ZMYM5: variants seen among roughly 807,000 people sequenced by gnomAD.
ZMYM5 encodes zinc finger MYM-type containing 5.
ZMYM5 carries 41 observed loss-of-function variants against 61.8 expected under a neutral mutation model. The observed-to-expected ratio is 0.66, with a 90% CI of 0.52 to 0.86. The LOEUF is 0.86. Among genes scored for constraint, ZMYM5 ranks in the 40% least tolerant of loss-of-function variants. The pLI is 0.00. For missense variants in ZMYM5, 706 were observed against 786.7 expected (o/e 0.90, Z 1.23); for synonymous variants, 257 against 276.4 (o/e 0.93, Z 0.70).
At chr13:19,845,822 G>A (rs2138578484) in intron 4 of ZMYM5, among the ~76,000 whole-genome samples, 1 of 152,298 alleles carries the variant, frequency 6.6e-6, no homozygotes, top group South Asian at 2.1e-4. Flanking sequence ...GCACACTGAT[G>A]TGTTCACCAA....
Position 19,837,807 on chromosome 13 carries a change from T to C in ZMYM5, c.887A>G (p.Lys296Arg), listed in dbSNP as rs1952722567. The change falls in exon 6 of 8, where the codon AAG (lysine) becomes AGG (arginine). Residue 296 changes from lysine to arginine, a missense_variant. Coordinates refer to ENST00000337963, the MANE Select transcript of ZMYM5 (RefSeq NM_001142684.2). ...SIICKKDAST[K>R]KANVILPVES... ...TACTGGAAGAATGACATTAGCCTTCTTTGTAGATGCATCTCTGAAACAGAA... is the reference window on the plus strand; with the variant it reads ...TACTGGAAGAATGACATTAGCCTTCCTTGTAGATGCATCTCTGAAACAGAA... 6.3e-7 allele frequency: 1 copy of C among 1,589,400 alleles called. No homozygotes were observed. The highest frequency in any genetic ancestry group is 1.4e-5 in the African/African-American group (1 of 73,346).
chr13:19,862,694 T>A lies in ZMYM5; in HGVS notation c.-78-228A>T, dbSNP rs1272154665. On this transcript the variant is annotated intron_variant, in intron 1 of 7. Transcript: ENST00000337963. ...TCCAACTGCAGTACTGGGGATGCAG[T>A]GGGCTCGGGGATCCGAGGCCTGCTC... Among the ~76,000 whole-genome samples, 4 of 152,064 alleles carry A rather than the reference T, an allele frequency of 2.6e-5. No homozygotes were observed. The South Asian group carries it at 6.2e-4, about 24-fold the overall frequency.
intron 2 of ZMYM5, among the ~76,000 whole-genome samples, chr13:19,854,584 T>G (rs931438375): frequency 5.6e-5 from 8 of 142,726 alleles, no homozygotes; most frequent in African/African-American, 2.1e-4. Context: ...GCTGAGATTG[T>G]GCCACTGCAC....
chr13:19,848,828 C>A (rs189265347), intron 4 of ZMYM5, among the ~76,000 whole-genome samples: 1 of 152,002 alleles, frequency 6.6e-6, no homozygotes, highest in Admixed American at 6.6e-5. Flanking sequence ...AGCCACCATG[C>A]CCAGCCCCAC....
chr13:19,840,069 A>G (rs1952814338), intron 4 of ZMYM5, among the ~76,000 whole-genome samples: 1 of 152,214 alleles, frequency 6.6e-6, no homozygotes, highest in African/African-American at 2.4e-5. Context: ...TGCATTTCTA[A>G]CCAACTCTCA....
At chr13:19,828,482 C>T (rs190908252) in intron 7 of ZMYM5, among the ~76,000 whole-genome samples, 66 of 152,038 alleles carry the variant, frequency 4.3e-4, no homozygotes, top group African/African-American at 1.5e-3. Flanking sequence ...TCCAATCAAT[C>T]AATCAATGCA....
At chr13:19,857,578 A>G (rs1474799227) in intron 2 of ZMYM5, among the ~76,000 whole-genome samples, 1 of 152,184 alleles carries the variant, frequency 6.6e-6, no homozygotes, top group Non-Finnish European at 1.5e-5. Flanking sequence ...TTACTGCAGG[A>G]ACTAGGTACA....
chr13:19,837,577 G>A (rs1174079192), intron 6 of ZMYM5, 79 bp downstream of exon 6: 1 of 1,607,954 alleles, frequency 6.2e-7, no homozygotes. Flanking sequence ...TTATGTAGAT[G>A]AAAGAGTACA....
At chr13:19,834,106 A>T (rs1387369255) in intron 7 of ZMYM5, among the ~76,000 whole-genome samples, 1 of 152,216 alleles carries the variant, frequency 6.6e-6, no homozygotes, top group African/African-American at 2.4e-5. Flanking sequence ...CCTCCAGAGT[A>T]GCTGGGATTA....
chr13:19,840,870 G>T (rs944665507), intron 4 of ZMYM5, among the ~76,000 whole-genome samples: 3 of 151,840 alleles, frequency 2.0e-5, no homozygotes, highest in Admixed American at 2.0e-4. Context: ...GTAGAGACGG[G>T]GTTTCACCGT....
At position 19,837,491 on chromosome 13, in the gene ZMYM5, A is replaced by C. The variant is rs1374642543; in HGVS notation, c.1038+165T>G. 5.7e-6 allele frequency: 9 copies of C among 1,582,874 alleles called. No individual in the cohort carries two copies. The African/African-American group carries it at 1.2e-4, about 22-fold the overall frequency. Reference sequence around the variant, plus strand: ...CTATGCAAATGGAATTTTATTTATAAAATATCCCATAAGATAGTTCTAACA... The same window carrying C: ...CTATGCAAATGGAATTTTATTTATACAATATCCCATAAGATAGTTCTAACA... On this transcript the variant is annotated intron_variant, in intron 6 of 7. Coordinates refer to ENST00000337963, the MANE Select transcript of ZMYM5 (RefSeq NM_001142684.2).
chr13:19,851,753 A>C lies in ZMYM5; in HGVS notation c.428T>G (p.Leu143Arg). The change falls in exon 3 of 8, where the codon CTT (leucine) becomes CGT (arginine). Residue 143 changes from leucine (L) to arginine (R), a missense_variant. Physicochemically the swap from Leu to Arg is moderately radical, Grantham distance 102 (BLOSUM62 -2). Around this residue, in one of 2 missense-constraint regions of ZMYM5, gnomAD observed 480 missense variants for 461.7 expected, o/e 1.04. Coordinates refer to ENST00000337963, the MANE Select transcript of ZMYM5 (RefSeq NM_001142684.2). Reference protein sequence around the residue: ...KKSSCFIEWGLPGTKNKTNDL... With the variant: ...KKSSCFIEWGRPGTKNKTNDL... ...GTTGGTTTTGTTTTTAGTTCCAGGA[A>C]GTCCCCATTCGATAAAACAGGAAGA... 6.3e-7 allele frequency: 1 copy of C among 1,594,992 alleles called. No homozygotes were observed. The highest frequency in any genetic ancestry group is 1.2e-5 in the South Asian group (1 of 86,586).
At chr13:19,848,554 A>G (rs377203394) in intron 4 of ZMYM5, among the ~76,000 whole-genome samples, 2 of 149,484 alleles carry the variant, frequency 1.3e-5, no homozygotes, top group East Asian at 4.0e-4. Flanking sequence ...TTTTTTTTTG[A>G]GACAAGTCTC....
At chr13:19,849,750 C>T (rs1180371849) in intron 4 of ZMYM5, among the ~76,000 whole-genome samples, 4 of 152,018 alleles carry the variant, frequency 2.6e-5, no homozygotes, top group South Asian at 2.1e-4. Flanking sequence ...GAGGCTGAGG[C>T]GGGTGAATCA....
rs1362018804 is a variant in ZMYM5 at position 19,855,857 on chromosome 13, C to CA, written c.-10-3668dup. The stretch of plus-strand genomic sequence containing the variant: ...AAAACCCATCTCTACTAAAAAAATA[C>CA]AAAAAAAAATTAGCCGGGCATGGTG... On this transcript the variant is annotated intron_variant, in intron 2 of 7. Coordinates refer to ENST00000337963, the MANE Select transcript of ZMYM5 (RefSeq NM_001142684.2). Among the ~76,000 whole-genome samples, 15 of 149,328 alleles carry CA rather than the reference C, an allele frequency of 1.0e-4. No homozygotes were observed. The East Asian group carries it at 1.8e-3, about 18-fold the overall frequency.
chr13:19,860,651 T>C (rs1210611596), intron 2 of ZMYM5, among the ~76,000 whole-genome samples: 2 of 151,780 alleles, frequency 1.3e-5, no homozygotes, highest in Non-Finnish European at 2.9e-5. Flanking sequence ...TTGACCAGGC[T>C]AGTCTCGAAC....
intron 4 of ZMYM5, among the ~76,000 whole-genome samples, chr13:19,842,193 C>T (rs73168967): frequency 0.032 from 4,907 of 152,266 alleles, 88 homozygotes; most frequent in Middle Eastern, 0.078. Context: ...CCTTTTGGTG[C>T]TGCCAGCTTC....
chr13:19,850,296 G>A (rs1382183718), intron 4 of ZMYM5, among the ~76,000 whole-genome samples: 2 of 151,998 alleles, frequency 1.3e-5, no homozygotes, highest in South Asian at 2.1e-4. Context: ...CTAATAAAAC[G>A]CCGATTTAAA....
At chr13:19,852,742 T>C (rs1953360572) in intron 2 of ZMYM5, among the ~76,000 whole-genome samples, 3 of 152,194 alleles carry the variant, frequency 2.0e-5, no homozygotes, top group African/African-American at 4.8e-5. Flanking sequence ...CAAAACTCCA[T>C]GATAGTAGCT....
Sources: allele counts gnomAD v4.1 joint callset (sites outside exome capture counted in the v4.1 genomes callset), GRCh38; gene constraint gnomAD v4.1.1; regional missense constraint gnomAD v4.1.1; transcripts MANE v1.5; gene names NCBI Gene and HGNC (gene_info 2026-07-23, HGNC 2026-07-21).